The following GSPT1 variants were observed in gnomAD, a reference collection of about 807,000 sequenced individuals.
GSPT1 encodes the protein G1 to S phase transition 1, also known as eukaryotic peptide chain release factor GTP-binding subunit ERF3A.
Under a neutral mutation model 72.5 loss-of-function variants are expected in GSPT1, and 20 were observed. The observed-to-expected ratio is 0.28, with a 90% confidence interval of 0.19 to 0.40. GSPT1 has a LOEUF of 0.40. Ranked by LOEUF, GSPT1 falls within the 10% of genes least tolerant of loss-of-function variation. GSPT1 has a pLI of 1.00. For synonymous variants in GSPT1, 334 were observed against 293.5 expected, an observed-to-expected ratio of 1.14 and a Z score of -1.41; for missense variants, 580 against 811.9, an observed-to-expected ratio of 0.71 and a Z score of 3.47.
intron 5 of GSPT1, among the ~76,000 whole-genome samples, chr16:11,892,902 G>A (rs1355345553): frequency 7.1e-6 from 1 of 141,390 alleles, no homozygotes; most frequent in Non-Finnish European, 1.5e-5. Context: ...AATCTTGACA[G>A]ATGACACCTT....
chr16:11,871,707 G>T lies in GSPT1; in HGVS notation c.*1412C>A, dbSNP rs927170884. ...ATATACAAAGTATCTTATTTAGAGA[G>T]AAATCACAATCTAAAAGAGGCTATC... On this transcript the variant is annotated 3_prime_UTR_variant, in exon 15 of 15. Coordinates refer to ENST00000434724, the MANE Select transcript of GSPT1 (RefSeq NM_002094.4). 3.3e-5 allele frequency: 5 copies of T among 152,130 alleles called. No homozygotes were observed. The highest frequency in any genetic ancestry group is 5.9e-5 in the Non-Finnish European group (4 of 68,020). 9.4% of individuals were successfully genotyped at this position (152,130 alleles called of 1,614,324 possible).
At chr16:11,911,854 A>ATTTTTTTT (rs1158026034) in intron 1 of GSPT1, among the ~76,000 whole-genome samples, 1,034 of 45,396 alleles carry the variant, frequency 0.023, 204 homozygotes, top group Non-Finnish European at 0.028. Context: ...ACCCAGCTGT[A>ATTTTTTTT]TTTTTTTTTT....
chr16:11,873,830 C>G (rs1459341461), intron 14 of GSPT1, among the ~76,000 whole-genome samples: 1 of 152,178 alleles, frequency 6.6e-6, no homozygotes, highest in African/African-American at 2.4e-5. Context: ...CTCAGGTGAT[C>G]CGCCTGCCTC....
chr16:11,902,908 T>C (rs2054433298), intron 1 of GSPT1, among the ~76,000 whole-genome samples: 1 of 151,702 alleles, frequency 6.6e-6, no homozygotes, highest in Non-Finnish European at 1.5e-5. Flanking sequence ...ATAGAGATGG[T>C]GTTTCAATAG....
chr16:11,896,262 C>T (rs1486299327), intron 4 of GSPT1, among the ~76,000 whole-genome samples: 1 of 152,134 alleles, frequency 6.6e-6, no homozygotes, highest in African/African-American at 2.4e-5. Context: ...TTCTAAGATA[C>T]TGATATATAA....
Position 11,869,327 on chromosome 16 carries a change from A to G in GSPT1, c.*3792T>C, listed in dbSNP as rs907906686. 5 of 152,238 alleles carry G rather than the reference A, an allele frequency of 3.3e-5. No individual in the cohort carries two copies. The highest frequency in any genetic ancestry group is 1.2e-4 in the African/African-American group (5 of 41,464). The allele number at this position is 152,238 out of a possible 1,614,324, so 9.4% of individuals were successfully genotyped here. ...AGATGCTGCCATGGCGAGATCTCTC[A>G]CGAAAGAAACAAGATCAAGGATGTA... On this transcript the variant is annotated 3_prime_UTR_variant, in exon 15 of 15. Coordinates refer to ENST00000434724, the MANE Select transcript of GSPT1 (RefSeq NM_002094.4).
At chr16:11,902,447 AT>A (rs2054423522) in intron 1 of GSPT1, among the ~76,000 whole-genome samples, 1 of 151,274 alleles carries the variant, frequency 6.6e-6, no homozygotes, top group South Asian at 2.1e-4. Flanking sequence ...TAATAGTATA[AT>A]TTATAATAAA....
chr16:11,915,843 C>T lies in GSPT1; in HGVS notation c.-123G>A, dbSNP rs1567456796. The T allele has an allele frequency of 6.9e-7, 1 of 1,448,918 alleles. No homozygotes were observed. The highest frequency in any genetic ancestry group is 9.5e-7 in the Non-Finnish European group (1 of 1,050,064). 89.8% of individuals were successfully genotyped at this position (1,448,918 alleles called of 1,614,324 possible). On this transcript the variant is annotated 5_prime_UTR_variant, in exon 1 of 15. Coordinates refer to ENST00000434724, the MANE Select transcript of GSPT1 (RefSeq NM_002094.4). Reference sequence around the variant, plus strand: ...GCGGGGCAGAAGGGCCGGGAGCTAGCGACAAAGATCCCCGGCGTCGCCGCG... The same window carrying T: ...GCGGGGCAGAAGGGCCGGGAGCTAGTGACAAAGATCCCCGGCGTCGCCGCG...
At chr16:11,909,131 GGGAATGTGGTTT>G (rs1441336168) in intron 1 of GSPT1, among the ~76,000 whole-genome samples, 1 of 151,734 alleles carries the variant, frequency 6.6e-6, no homozygotes. Context: ...ATTACCTAGT[GGGAATGTGGTTT>G]GGAAGTGAGT....
chr16:11,906,017 G>C (rs2054484623), intron 1 of GSPT1, among the ~76,000 whole-genome samples: 1 of 152,136 alleles, frequency 6.6e-6, no homozygotes, highest in African/African-American at 2.4e-5. Context: ...AATTTTTACT[G>C]AATTACTGTG....
In GSPT1 at chr16:11,915,295, C is replaced by T. The variant is rs375067991; in HGVS notation, c.352+74G>A. On this transcript the variant is annotated intron_variant, in intron 1 of 14. Coordinates refer to ENST00000434724, the MANE Select transcript of GSPT1 (RefSeq NM_002094.4). ...GCCGACCGGGCCCCAGGGCCGCGCGCCCCCGGACCGCACCCCTACGCCATG... is the reference window on the plus strand; with the variant it reads ...GCCGACCGGGCCCCAGGGCCGCGCGTCCCCGGACCGCACCCCTACGCCATG... The T allele has an allele frequency of 4.1e-5, 54 of 1,324,122 alleles. No homozygotes were observed. In the East Asian group the frequency reaches 1.3e-3, roughly 32 times the overall value. 82.0% of individuals were successfully genotyped at this position (1,324,122 alleles called of 1,614,324 possible).
rs1264424982 is a variant in GSPT1, at chr16:11,871,422, A to C, written c.*1697T>G. On this transcript the variant is annotated 3_prime_UTR_variant, in exon 15 of 15. Coordinates refer to ENST00000434724, the MANE Select transcript of GSPT1 (RefSeq NM_002094.4). ...GTCTCCACTAAAGATACAAAAATTA[A>C]CTGGGCCTCGTGGAGGGCTCCTGTA... 6.6e-6 allele frequency: 1 copy of C among 152,124 alleles called. No individual in the cohort carries two copies. Among genetic ancestry groups the C allele is most frequent in the Non-Finnish European group, 1.5e-5 (1 of 68,024 alleles). The allele number at this position is 152,124 out of a possible 1,614,324, so 9.4% of individuals were successfully genotyped here. A position where few individuals can be genotyped will look rare whatever the true frequency, so the allele number is the denominator to read the frequency against.
chr16:11,907,498 G>A (rs1330608044), intron 1 of GSPT1, among the ~76,000 whole-genome samples: 2 of 152,150 alleles, frequency 1.3e-5, no homozygotes, highest in Admixed American at 6.6e-5. Context: ...GCACTTCAAA[G>A]CCCCAAAATA....
At chr16:11,893,372 G>T (rs148235528) in intron 5 of GSPT1, among the ~76,000 whole-genome samples, 1 of 151,728 alleles carries the variant, frequency 6.6e-6, no homozygotes, top group African/African-American at 2.4e-5. Flanking sequence ...TGATCCTTCC[G>T]CCTTGGCCTC....
Position 11,915,647 on chromosome 16 carries a change from TCGCTGCTGCTGCTGC to T in GSPT1, c.59_73del (p.Gly20_Ser24del). Reference sequence around the variant, plus strand: ...CTGGTCCCAGCAGTCAGGCGCCGAGTCGCTGCTGCTGCTGCCGCTGCTGCTCCCGCCGCCGCCGCC... The same window carrying T: ...CTGGTCCCAGCAGTCAGGCGCCGAGTCGCTGCTGCTCCCGCCGCCGCCGCC... On this transcript the variant is annotated inframe_deletion, in exon 1 of 15. Transcript: ENST00000434724. 6.7e-7 allele frequency: 1 copy of T among 1,481,970 alleles called. No individual in the cohort carries two copies. Among genetic ancestry groups the T allele is most frequent in the Non-Finnish European group, 8.9e-7 (1 of 1,121,472 alleles). 91.8% of individuals were successfully genotyped at this position (1,481,970 alleles called of 1,614,324 possible). A position where few individuals can be genotyped will look rare whatever the true frequency, so the allele number is the denominator to read the frequency against.
chr16:11,892,849 A>AAG (rs1456874715), intron 5 of GSPT1, among the ~76,000 whole-genome samples: 3 of 149,570 alleles, frequency 2.0e-5, no homozygotes, highest in Non-Finnish European at 3.0e-5. Flanking sequence ...AAAAAAAAAA[A>AAG]AAAAAAGAAA....
chr16:11,906,800 G>C (rs907762697), intron 1 of GSPT1, among the ~76,000 whole-genome samples: 1 of 152,112 alleles, frequency 6.6e-6, no homozygotes, highest in Non-Finnish European at 1.5e-5. Context: ...CTTAATAATA[G>C]GCACTTATCT....
intron 1 of GSPT1, among the ~76,000 whole-genome samples, chr16:11,901,071 G>A (rs1245514039): frequency 1.3e-5 from 2 of 152,184 alleles, no homozygotes; most frequent in African/African-American, 4.8e-5. Context: ...CTGCTCCGGG[G>A]GCTGAGCCTG....
intron 11 of GSPT1, among the ~76,000 whole-genome samples, chr16:11,879,313 G>T (rs2054090201): frequency 6.6e-6 from 1 of 150,814 alleles, no homozygotes; most frequent in African/African-American, 2.5e-5. Flanking sequence ...AGAACTGCTT[G>T]AACCCTGGAG....
Sources: gnomAD v4.1 joint callset for allele counts (sites outside exome capture counted in the v4.1 genomes callset) on GRCh38, gnomAD v4.1.1 for gene constraint, MANE v1.5 for transcripts, NCBI Gene and HGNC (gene_info 2026-07-23, HGNC 2026-07-21) for gene names.